SPAST: variants seen among roughly 807,000 people sequenced by gnomAD.
SPAST encodes the protein spastin, also known as spastic paraplegia 4 (autosomal dominant; spastin).
SPAST carries 30 observed loss-of-function variants against 76.6 expected under a neutral mutation model. The ratio of observed to expected loss-of-function variants is 0.39; its 90% CI spans 0.29 to 0.53. SPAST has a LOEUF of 0.53. Ranked by LOEUF, SPAST falls within the 20% of genes least tolerant of loss-of-function variation. SPAST has a pLI of 0.68. For synonymous variants in SPAST, 305 were observed against 281.0 expected (o/e 1.09, Z -0.86); for missense variants, 717 against 770.5 (o/e 0.93, Z 0.82).
intron 4 of SPAST, among the ~76,000 whole-genome samples, chr2:32,110,095 GT>G (rs1678487144): frequency 2.6e-5 from 3 of 116,186 alleles, no homozygotes; most frequent in Non-Finnish European, 3.6e-5. Flanking sequence ...TACATATATA[GT>G]TTTTTTTGTT....
chr2:32,114,612 C>T, intron 4 of SPAST, 26 bp from the exon 5 acceptor site: 7 of 1,596,458 alleles, frequency 4.4e-6, no homozygotes, highest in Non-Finnish European at 6.0e-6. Context: ...TTTCTAATCA[C>T]AATGGTTTTA....
intron 1 of SPAST, among the ~76,000 whole-genome samples, chr2:32,068,383 G>A (rs777960844): frequency 1.3e-5 from 2 of 150,162 alleles, no homozygotes; most frequent in Admixed American, 6.7e-5. Context: ...GTGCAATGGC[G>A]CGATCTCAGC....
At chr2:32,113,211 G>A (rs1406153716) in intron 4 of SPAST, among the ~76,000 whole-genome samples, 2 of 150,730 alleles carry the variant, frequency 1.3e-5, no homozygotes, top group Admixed American at 6.6e-5. Flanking sequence ...CACTGCAATC[G>A]GGTAGCTGGA....
At position 32,065,310 on chromosome 2, in the gene SPAST, G is replaced by T. The variant is rs2280971; in HGVS notation, c.415+1064G>T. ...TGGTAATACAGGCATGAGCCACCGCGCCTGGCCTTAAGCTAACATTTTTTA... is the reference window on the plus strand; with the variant it reads ...TGGTAATACAGGCATGAGCCACCGCTCCTGGCCTTAAGCTAACATTTTTTA... On this transcript the variant is annotated intron_variant, in intron 1 of 16. Transcript: ENST00000315285. Among the ~76,000 whole-genome samples, 805 of 152,156 alleles carry T rather than the reference G, an allele frequency of 5.3e-3. 35 individuals carry two copies. In the East Asian group the frequency reaches 0.092, roughly 17 times the overall value.
intron 4 of SPAST, among the ~76,000 whole-genome samples, chr2:32,109,065 G>T (rs1449351276): frequency 6.7e-6 from 1 of 149,268 alleles, no homozygotes; most frequent in African/African-American, 2.5e-5. Flanking sequence ...CCTGGCTGTT[G>T]GTATACTTTA....
chr2:32,136,137 C>T (rs937444140), intron 9 of SPAST, among the ~76,000 whole-genome samples: 1 of 151,824 alleles, frequency 6.6e-6, no homozygotes, highest in African/African-American at 2.4e-5. Context: ...TGACTTTTCA[C>T]GGTGTTCTTA....
chr2:32,127,071 A>C, intron 8 of SPAST, 49 bp downstream of exon 8: 1 of 1,283,336 alleles, frequency 7.8e-7, no homozygotes, highest in Middle Eastern at 1.8e-4. Flanking sequence ...ATTTGGGATA[A>C]TATGAAAAAA....
intron 9 of SPAST, among the ~76,000 whole-genome samples, chr2:32,135,255 G>A (rs1264997976): frequency 6.6e-6 from 1 of 151,070 alleles, no homozygotes; most frequent in African/African-American, 2.4e-5. Context: ...TCAGCCTCCC[G>A]AGTAGCTGGG....
chr2:32,125,745 G>C (rs1357923293), intron 7 of SPAST, among the ~76,000 whole-genome samples: 1 of 152,052 alleles, frequency 6.6e-6, no homozygotes, highest in East Asian at 1.9e-4. Context: ...CTGCTTGACT[G>C]CCTTTGGTGG....
intron 13 of SPAST, 61 bp downstream of exon 13, chr2:32,142,007 CA>C (rs2148758364): frequency 8.1e-7 from 1 of 1,239,094 alleles, no homozygotes; most frequent in East Asian, 2.3e-5. Flanking sequence ...ACCATCTTGA[CA>C]ATATTAAGTC....
At chr2:32,117,378 TGCC>T (rs1478716666) in intron 7 of SPAST, among the ~76,000 whole-genome samples, 1 of 151,738 alleles carries the variant, frequency 6.6e-6, no homozygotes, top group Non-Finnish European at 1.5e-5. Flanking sequence ...TGCTTGGAAA[TGCC>T]GCTCAAAGAG....
At chr2:32,088,736 A>G (rs1214872820) in intron 2 of SPAST, among the ~76,000 whole-genome samples, 1 of 152,174 alleles carries the variant, frequency 6.6e-6, no homozygotes, top group Non-Finnish European at 1.5e-5. Context: ...TTAAAGTATG[A>G]TATATGCTCT....
chr2:32,074,868 T>C (rs1350514906), intron 1 of SPAST, among the ~76,000 whole-genome samples: 4 of 152,132 alleles, frequency 2.6e-5, no homozygotes, highest in East Asian at 1.9e-4. Context: ...CTTATGGAAA[T>C]TGACATTTAA....
Position 32,115,011 on chromosome 2 carries a change from C to T in SPAST, c.870+186C>T, listed in dbSNP as rs571392115. ...TTTTCCAGGCTGGAGTGCAATGGCG[C>T]GATCTCGGCTCATTGCAACCTCCGC... On this transcript the variant is annotated intron_variant, in intron 5 of 16. Coordinates refer to ENST00000315285, the MANE Select transcript of SPAST (RefSeq NM_014946.4). Among the ~76,000 whole-genome samples the T allele has an allele frequency of 7.4e-4, 107 of 145,090 alleles. 1 individual carries two copies. Among genetic ancestry groups the T allele is most frequent in the African/African-American group, 1.9e-3 (76 of 39,100 alleles).
chr2:32,136,506 A>T (rs1679540388), intron 9 of SPAST, 57 bp from the exon 10 acceptor site: 4 of 1,266,072 alleles, frequency 3.2e-6, no homozygotes, highest in African/African-American at 1.5e-5. Flanking sequence ...CATAAAATTT[A>T]AAAAACTGGA....
chr2:32,086,741 G>C (rs1677492675), intron 1 of SPAST, among the ~76,000 whole-genome samples: 1 of 151,288 alleles, frequency 6.6e-6, no homozygotes, highest in African/African-American at 2.4e-5. Flanking sequence ...CTAGGTGACA[G>C]AGCAAGACTC....
chr2:32,154,588 G>C lies in SPAST; in HGVS notation c.*92G>C, dbSNP rs1458876915. 7.5e-7 allele frequency: 1 copy of C among 1,339,298 alleles called. No individual in the cohort carries two copies. Among genetic ancestry groups the C allele is most frequent in the South Asian group, 1.2e-5 (1 of 83,814 alleles). The allele number at this position is 1,339,298 out of a possible 1,614,324, so 83.0% of individuals were successfully genotyped here. A position where few individuals can be genotyped will look rare whatever the true frequency, so the allele number is the denominator to read the frequency against. On this transcript the variant is annotated 3_prime_UTR_variant, in exon 17 of 17. Coordinates refer to ENST00000315285, the MANE Select transcript of SPAST (RefSeq NM_014946.4). ...GTCATCGGCTACAGAAACAGCCTAA[G>C]TTTACAGGACTTTTTAGAGTCTTAC...
At chr2:32,132,094 T>C (rs1440836159) in intron 9 of SPAST, among the ~76,000 whole-genome samples, 1 of 152,146 alleles carries the variant, frequency 6.6e-6, no homozygotes, top group Non-Finnish European at 1.5e-5. Context: ...TAAGTTTACT[T>C]TTAAGAAAGT....
intron 1 of SPAST, among the ~76,000 whole-genome samples, chr2:32,077,158 G>A (rs1403001425): frequency 1.3e-5 from 2 of 152,144 alleles, no homozygotes; most frequent in African/African-American, 2.4e-5. Context: ...ATAGGCGTGA[G>A]CCACCGCGCC....
Sources: gnomAD v4.1 joint callset for allele counts (sites outside exome capture counted in the v4.1 genomes callset) on GRCh38, gnomAD v4.1.1 for gene constraint, MANE v1.5 for transcripts, NCBI Gene and HGNC (gene_info 2026-07-23, HGNC 2026-07-21) for gene names.